Variants in CDH8 observed in about 807,000 individuals in gnomAD.
The protein encoded by CDH8 is cadherin 8.
A neutral mutation model predicts 68.1 loss-of-function variants in CDH8; 17 were observed. The ratio of observed to expected loss-of-function variants is 0.25; its 90% CI spans 0.17 to 0.37. CDH8 has a LOEUF of 0.37. Ranked by LOEUF, CDH8 falls within the 10% of genes least tolerant of loss-of-function variation. The probability of loss-of-function intolerance (pLI) is 1.00; values close to 1 mark genes in which losing one functional copy is unlikely to be tolerated. For missense variants in CDH8, 763 were observed against 999.3 expected, an observed-to-expected ratio of 0.76 and a Z score of 3.19; for synonymous variants, 372 against 365.1, an observed-to-expected ratio of 1.02 and a Z score of -0.21.
chr16:61,959,984 G>GTGTA lies in CDH8; in HGVS notation c.253-58512_253-58511insTACA, dbSNP rs1385952323. ...GTATGTGGTGTATGTGTGTGTGTGTGTATATATATATATATATATATATAT... is the reference window on the plus strand; with the variant it reads ...GTATGTGGTGTATGTGTGTGTGTGTGTGTATATATATATATATATATATATATAT... On this transcript the variant is annotated intron_variant, in intron 2 of 11. Transcript: ENST00000577390. 5.5e-3 allele frequency among the ~76,000 whole-genome samples: 245 copies of GTGTA among 44,528 alleles called. 16 individuals carry two copies. The highest frequency in any genetic ancestry group is 7.4e-3 in the Non-Finnish European group (183 of 24,716). 29.2% of individuals were successfully genotyped at this position (44,528 alleles called of 152,430 possible).
rs1204965305 is a variant in CDH8 at position 61,652,140 on chromosome 16, T to C, written c.*1468A>G. The C allele has an allele frequency of 2.6e-5, 25 of 977,954 alleles. No individual in the cohort carries two copies. Among genetic ancestry groups the C allele is most frequent in the Non-Finnish European group, 2.8e-5 (23 of 823,222 alleles). The allele number at this position is 977,954 out of a possible 1,614,324, so 60.6% of individuals were successfully genotyped here. A position where few individuals can be genotyped will look rare whatever the true frequency, so the allele number is the denominator to read the frequency against. The stretch of plus-strand genomic sequence containing the variant: ...ATTAAAATGATCTGCATGTAATACT[T>C]GAGTTTTATCATACATTTTCTACTC... On this transcript the variant is annotated 3_prime_UTR_variant, in exon 12 of 12. Coordinates refer to ENST00000577390, the MANE Select transcript of CDH8 (RefSeq NM_001796.5).
intron 8 of CDH8, among the ~76,000 whole-genome samples, chr16:61,784,794 T>G (rs896164012): frequency 6.6e-6 from 1 of 151,804 alleles, no homozygotes; most frequent in Non-Finnish European, 1.5e-5. Flanking sequence ...CACTCAAAGC[T>G]GCTCAACTAC....
At chr16:61,933,401 G>A (rs1476059957) in intron 2 of CDH8, among the ~76,000 whole-genome samples, 1 of 152,122 alleles carries the variant, frequency 6.6e-6, no homozygotes, top group Non-Finnish European at 1.5e-5. Context: ...ACAAGGTCTT[G>A]GAGAAACTAA....
intron 2 of CDH8, among the ~76,000 whole-genome samples, chr16:61,909,817 T>C (rs1597058096): frequency 6.6e-6 from 1 of 152,266 alleles, no homozygotes; most frequent in Admixed American, 6.5e-5. Flanking sequence ...AGAAAGGCAG[T>C]ATACCCAAAA....
chr16:61,670,835 A>G (rs907479543), intron 10 of CDH8, among the ~76,000 whole-genome samples: 2 of 152,030 alleles, frequency 1.3e-5, no homozygotes, highest in Non-Finnish European at 2.9e-5. Context: ...CTTGACAAAG[A>G]GATAATTCAC....
At chr16:61,692,665 A>G (rs1385464112) in intron 10 of CDH8, 1 of 152,048 alleles carries the variant, frequency 6.6e-6, no homozygotes, top group Non-Finnish European at 1.5e-5. Context: ...TATTAATGAA[A>G]GTCTGTAGAA....
At chr16:61,677,612 G>A (rs1332808181) in intron 10 of CDH8, among the ~76,000 whole-genome samples, 2 of 151,892 alleles carry the variant, frequency 1.3e-5, no homozygotes, top group African/African-American at 4.8e-5. Flanking sequence ...GATTTGCTTT[G>A]GAAATGTAGT....
chr16:61,746,417 C>G (rs1259794211), intron 8 of CDH8, among the ~76,000 whole-genome samples: 1 of 151,880 alleles, frequency 6.6e-6, no homozygotes, highest in Non-Finnish European at 1.5e-5. Flanking sequence ...TTTTCTTTCT[C>G]TCTGGTATCT....
intron 2 of CDH8, among the ~76,000 whole-genome samples, chr16:61,977,349 C>T (rs545268661): frequency 6.6e-6 from 1 of 152,248 alleles, no homozygotes; most frequent in South Asian, 2.1e-4. Flanking sequence ...GTAGGGGAAA[C>T]AGTACTATAA....
chr16:61,779,691 A>G (rs956371891), intron 8 of CDH8, among the ~76,000 whole-genome samples: 2 of 152,166 alleles, frequency 1.3e-5, no homozygotes, highest in African/African-American at 4.8e-5. Context: ...TTCCTAATCT[A>G]TAAAATGGGA....
chr16:61,916,501 C>T (rs1001442974), intron 2 of CDH8, among the ~76,000 whole-genome samples: 4 of 151,964 alleles, frequency 2.6e-5, no homozygotes, highest in East Asian at 1.9e-4. Flanking sequence ...GTCAACAGAG[C>T]GAGATTCCAT....
chr16:61,804,406 G>T (rs1369897462), intron 7 of CDH8, among the ~76,000 whole-genome samples: 1 of 151,940 alleles, frequency 6.6e-6, no homozygotes, highest in Non-Finnish European at 1.5e-5. Context: ...ACAATTAAAC[G>T]AACTAGAAAA....
intron 4 of CDH8, among the ~76,000 whole-genome samples, chr16:61,853,361 T>C (rs1962979359): frequency 6.6e-6 from 1 of 152,146 alleles, no homozygotes; most frequent in Non-Finnish European, 1.5e-5. Context: ...TGCCCTGGTT[T>C]ATTTTTTGTT....
At chr16:61,793,166 A>G (rs1596972689) in intron 7 of CDH8, among the ~76,000 whole-genome samples, 2 of 151,830 alleles carry the variant, frequency 1.3e-5, no homozygotes, top group African/African-American at 4.8e-5. Context: ...AACCCAGAAG[A>G]GGGCCCTTAC....
intron 8 of CDH8, among the ~76,000 whole-genome samples, chr16:61,774,022 A>T (rs983344136): frequency 6.6e-6 from 1 of 151,992 alleles, no homozygotes; most frequent in African/African-American, 2.4e-5. Flanking sequence ...ATAAGGATGG[A>T]ATTGGTGCCT....
At chr16:61,825,252 T>A (rs1026675096) in intron 4 of CDH8, 73 bp from the exon 5 acceptor site, 2 of 1,166,744 alleles carry the variant, frequency 1.7e-6, no homozygotes, top group Non-Finnish European at 2.5e-6. Context: ...ATCTCACACA[T>A]GCACACATAC....
At chr16:61,654,421 C>T (rs1384819765) in intron 11 of CDH8, among the ~76,000 whole-genome samples, 1 of 152,068 alleles carries the variant, frequency 6.6e-6, no homozygotes, top group Non-Finnish European at 1.5e-5. Context: ...GAAAATAGCA[C>T]TGAAAGTATG....
Position 61,651,124 on chromosome 16 carries a change from T to G in CDH8, c.*2484A>C, listed in dbSNP as rs1963313601. 1 of 152,146 alleles carries G rather than the reference T, an allele frequency of 6.6e-6. No individual in the cohort carries two copies. Among genetic ancestry groups the G allele is most frequent in the Non-Finnish European group, 1.5e-5 (1 of 68,018 alleles). The allele number at this position is 152,146 out of a possible 1,614,324, so 9.4% of individuals were successfully genotyped here. A position where few individuals can be genotyped will look rare whatever the true frequency, so the allele number is the denominator to read the frequency against. ...TTGTGTGTCTATAATCTTTGGGCAC[T>G]TCAAAGTACACTAGAAATGAGTCTG... On this transcript the variant is annotated 3_prime_UTR_variant, in exon 12 of 12. Coordinates refer to ENST00000577390, the MANE Select transcript of CDH8 (RefSeq NM_001796.5).
intron 2 of CDH8, among the ~76,000 whole-genome samples, chr16:61,949,176 G>T (rs1177881635): frequency 6.6e-6 from 1 of 152,194 alleles, no homozygotes; most frequent in Non-Finnish European, 1.5e-5. Flanking sequence ...GGCTTTCTGG[G>T]AAAGGACTCT....
Sources: allele counts gnomAD v4.1 joint callset (sites outside exome capture counted in the v4.1 genomes callset), GRCh38; gene constraint gnomAD v4.1.1; transcripts MANE v1.5; gene names NCBI Gene and HGNC (gene_info 2026-07-23, HGNC 2026-07-21).